Variants in UGT1A8 observed in about 807,000 individuals in gnomAD.
The protein encoded by UGT1A8 is UDP-glucuronosyltransferase 1A8.
In UGT1A8, 39 loss-of-function variants were observed where a neutral mutation model predicts 45.3. The ratio of observed to expected loss-of-function variants is 0.86; its 90% confidence interval spans 0.67 to 1.12. The LOEUF (loss-of-function observed/expected upper bound fraction) is 1.12, where lower values mean the gene tolerates loss of function less well. UGT1A8 is among the 50% of genes most tolerant of loss of function. UGT1A8 has a pLI of 0.00. For missense variants in UGT1A8, 719 were observed against 664.9 expected (o/e 1.08, Z -0.90); for synonymous variants, 275 against 249.2 (o/e 1.10, Z -0.97).
At chr2:233,740,937 T>A (rs1575638428) in intron 1 of UGT1A8, 2 of 146,280 alleles carry the variant, frequency 1.4e-5, no homozygotes, top group Admixed American at 6.8e-5. Context: ...GTTTTTTTTT[T>A]AATTAGCTAG....
chr2:233,693,908 G>A (rs1417524727), intron 1 of UGT1A8: 7 of 1,612,836 alleles, frequency 4.3e-6, no homozygotes, highest in Middle Eastern at 1.7e-4. Flanking sequence ...TTTCTTCCAG[G>A]CTCTGTCCTC....
chr2:233,625,785 A>G (rs1473212780), intron 1 of UGT1A8, among the ~76,000 whole-genome samples: 1 of 151,714 alleles, frequency 6.6e-6, no homozygotes, highest in Non-Finnish European at 1.5e-5. Flanking sequence ...ACTATGGACT[A>G]CTAAAGGGGA....
chr2:233,761,044 G>C (rs1697654904), intron 1 of UGT1A8: 3 of 1,614,190 alleles, frequency 1.9e-6, no homozygotes, highest in Non-Finnish European at 2.5e-6. Flanking sequence ...CTCTGCATCT[G>C]TCTGGCTGTT....
intron 1 of UGT1A8, among the ~76,000 whole-genome samples, chr2:233,623,838 T>A (rs1432963620): frequency 6.6e-6 from 1 of 151,968 alleles, no homozygotes; most frequent in African/African-American, 2.4e-5. Flanking sequence ...CACCCTGGGG[T>A]CCTTAATCTC....
intron 1 of UGT1A8, among the ~76,000 whole-genome samples, chr2:233,739,415 C>A (rs1192478838): frequency 6.6e-6 from 1 of 152,198 alleles, no homozygotes; most frequent in African/African-American, 2.4e-5. Context: ...CCTCTGAAAG[C>A]AGCCAGGACG....
At chr2:233,664,724 C>T (rs780513850) in intron 1 of UGT1A8, among the ~76,000 whole-genome samples, 4 of 152,204 alleles carry the variant, frequency 2.6e-5, no homozygotes, top group Non-Finnish European at 5.9e-5. Flanking sequence ...AAACACCTCC[C>T]ACCAGGCCCC....
chr2:233,762,371 A>G (rs1296982558), intron 1 of UGT1A8, among the ~76,000 whole-genome samples: 2 of 152,236 alleles, frequency 1.3e-5, no homozygotes, highest in Non-Finnish European at 2.9e-5. Flanking sequence ...TTACATACCA[A>G]TATGTATATA....
intron 1 of UGT1A8, chr2:233,729,817 T>C: frequency 4.3e-6 from 7 of 1,613,956 alleles, no homozygotes; most frequent in Non-Finnish European, 5.9e-6. Flanking sequence ...TTCTGCTCCT[T>C]ATGCAAGCCT....
chr2:233,763,358 T>G (rs1698289277), intron 1 of UGT1A8, among the ~76,000 whole-genome samples: 1 of 152,246 alleles, frequency 6.6e-6, no homozygotes, highest in Admixed American at 6.5e-5. Context: ...TCTTTAGTAC[T>G]CCTTTGTCTT....
chr2:233,727,892 G>A (rs1335594867), intron 1 of UGT1A8, among the ~76,000 whole-genome samples: 1 of 152,130 alleles, frequency 6.6e-6, no homozygotes, highest in African/African-American at 2.4e-5. Flanking sequence ...TGGCAGACAC[G>A]GCCAGGCAAG....
intron 1 of UGT1A8, among the ~76,000 whole-genome samples, chr2:233,650,107 A>G (rs1415642240): frequency 6.6e-6 from 1 of 152,020 alleles, no homozygotes; most frequent in Non-Finnish European, 1.5e-5. Context: ...AGTAGCTGGG[A>G]TTATAGGCAC....
At chr2:233,697,352 A>G (rs2075386143) in intron 1 of UGT1A8, among the ~76,000 whole-genome samples, 1 of 151,986 alleles carries the variant, frequency 6.6e-6, no homozygotes, top group Admixed American at 6.6e-5. Flanking sequence ...TAGGTTTTCT[A>G]ATTTGTTGGC....
At chr2:233,717,819 G>A (rs1272526247) in intron 1 of UGT1A8, 4 of 455,464 alleles carry the variant, frequency 8.8e-6, no homozygotes, top group East Asian at 6.9e-5. Flanking sequence ...TATGCAGCCC[G>A]TTCTGTTCTG....
Position 233,618,228 on chromosome 2 carries a change from G to C in UGT1A8, c.521G>C (p.Cys174Ser). The C allele has an allele frequency of 6.2e-7, 1 of 1,613,878 alleles. No individual in the cohort carries two copies. The highest frequency in any genetic ancestry group is 8.5e-7 in the Non-Finnish European group (1 of 1,179,854). Residue 174 changes from cysteine (C) to serine (S), a missense_variant, in exon 1 of 5, where the codon TGC becomes TCC. Cys to Ser is a moderately radical substitution (Grantham distance 112, BLOSUM62 -1). Transcript: ENST00000373450. The stretch of plus-strand genomic sequence containing the variant: ...GTGGTCTTCGCCAGGGGAATAGCTT[G>C]CCACTATCTTGAAGAAGGTGCACAG... ...PSVVFARGIACHYLEEGAQCP... is the reference protein window; with the variant it reads ...PSVVFARGIASHYLEEGAQCP...
At chr2:233,719,633 C>G in intron 1 of UGT1A8, 1 of 1,614,046 alleles carries the variant, frequency 6.2e-7, no homozygotes, top group Non-Finnish European at 8.5e-7. Flanking sequence ...CGATCATGCC[C>G]AACATGGTCT....
chr2:233,693,265 G>A (rs1232427897), intron 1 of UGT1A8: 2 of 1,614,108 alleles, frequency 1.2e-6, no homozygotes, highest in South Asian at 2.2e-5. Flanking sequence ...AAGAAGAGCT[G>A]AAGAACCGTT....
intron 1 of UGT1A8, chr2:233,682,572 T>C: frequency 4.3e-6 from 7 of 1,613,972 alleles, no homozygotes; most frequent in Middle Eastern, 1.7e-4. Flanking sequence ...AACCACATCA[T>C]GCACTTGGAG....
chr2:233,744,110 C>T, intron 1 of UGT1A8: 1 of 393,860 alleles, frequency 2.5e-6, no homozygotes, highest in Non-Finnish European at 4.6e-6. Flanking sequence ...ACTGGCCCTG[C>T]TCTCTGTGAG....
At chr2:233,761,797 A>G (rs570450259) in intron 1 of UGT1A8, among the ~76,000 whole-genome samples, 2 of 152,324 alleles carry the variant, frequency 1.3e-5, no homozygotes, top group South Asian at 2.1e-4. Context: ...TCAGCAGAGG[A>G]TAGAAAAGAA....
Sources: allele counts gnomAD v4.1 joint callset (sites outside exome capture counted in the v4.1 genomes callset), GRCh38; gene constraint gnomAD v4.1.1; transcripts MANE v1.5; gene names NCBI Gene and HGNC (gene_info 2026-07-23, HGNC 2026-07-21).